The following HPSE2 variants were observed in gnomAD, a reference collection of about 807,000 sequenced individuals.
HPSE2 encodes heparanase 2 (inactive).
Under a neutral mutation model 60.5 loss-of-function variants are expected in HPSE2, and 38 were observed. The ratio of observed to expected loss-of-function variants is 0.63; its 90% CI spans 0.48 to 0.82. The LOEUF (loss-of-function observed/expected upper bound fraction) is 0.82. Ranked by LOEUF, HPSE2 falls within the 40% of genes least tolerant of loss-of-function variation. The pLI is 0.00. For synonymous variants in HPSE2, 295 were observed against 293.2 expected (o/e 1.01, Z -0.06); for missense variants, 713 against 740.4 (o/e 0.96, Z 0.43).
intron 11 of HPSE2, among the ~76,000 whole-genome samples, chr10:98,465,196 CT>C (rs1373055737): frequency 6.6e-6 from 1 of 152,200 alleles, no homozygotes; most frequent in Non-Finnish European, 1.5e-5. Context: ...CATTGAACAG[CT>C]TGTAAGCTTG....
chr10:98,753,399 A>G (rs1031756794), intron 3 of HPSE2, among the ~76,000 whole-genome samples: 1 of 152,192 alleles, frequency 6.6e-6, no homozygotes, highest in East Asian at 1.9e-4. Context: ...ACTCCTAGGT[A>G]TATATCCAGA....
At chr10:98,979,940 A>C (rs1400498797) in intron 3 of HPSE2, among the ~76,000 whole-genome samples, 4 of 152,220 alleles carry the variant, frequency 2.6e-5, no homozygotes, top group African/African-American at 9.6e-5. Context: ...GGAACTCACA[A>C]GCAGCTAGAG....
chr10:98,782,683 T>C (rs1950499998), intron 3 of HPSE2, among the ~76,000 whole-genome samples: 1 of 93,314 alleles, frequency 1.1e-5, no homozygotes, highest in Admixed American at 1.0e-4. Flanking sequence ...GAGAGACATA[T>C]TGGCCAGTGG....
chr10:98,700,074 A>C (rs1446450789), intron 5 of HPSE2, among the ~76,000 whole-genome samples: 2 of 151,392 alleles, frequency 1.3e-5, no homozygotes, highest in Non-Finnish European at 3.0e-5. Context: ...TGCCCAAGGT[A>C]ATTTATAGAT....
chr10:98,723,836 C>A (rs1948993656), intron 4 of HPSE2, among the ~76,000 whole-genome samples: 1 of 152,012 alleles, frequency 6.6e-6, no homozygotes, highest in East Asian at 1.9e-4. Context: ...TTTATTGCGT[C>A]TATTTGATTC....
chr10:99,004,681 A>G (rs1327259342), intron 3 of HPSE2, among the ~76,000 whole-genome samples: 1 of 152,190 alleles, frequency 6.6e-6, no homozygotes, highest in African/African-American at 2.4e-5. Flanking sequence ...TTTACATATT[A>G]CCTTTATAGT....
the HPSE2 span, among the ~76,000 whole-genome samples, chr10:99,240,888 A>T: frequency 6.6e-6 from 1 of 152,126 alleles, no homozygotes; most frequent in African/African-American, 2.4e-5. Flanking sequence ...TAGAAATTTT[A>T]AAAAATGCTT....
intron 4 of HPSE2, among the ~76,000 whole-genome samples, chr10:98,733,013 C>A (rs1188947712): frequency 1.3e-5 from 2 of 152,028 alleles, no homozygotes; most frequent in Non-Finnish European, 2.9e-5. Flanking sequence ...TGAAAAGGTG[C>A]CCAACAACAT....
the HPSE2 span, among the ~76,000 whole-genome samples, chr10:99,279,165 G>A: frequency 6.6e-6 from 1 of 152,224 alleles, no homozygotes; most frequent in African/African-American, 2.4e-5. Flanking sequence ...CTTTTTGATA[G>A]AAGACAGAAC....
intron 3 of HPSE2, among the ~76,000 whole-genome samples, chr10:99,050,679 ATT>A (rs778815249): frequency 1.3e-5 from 2 of 152,188 alleles, no homozygotes; most frequent in African/African-American, 2.4e-5. Flanking sequence ...AAAATTAGCC[ATT>A]TAAAAGAAGG....
intron 9 of HPSE2, among the ~76,000 whole-genome samples, chr10:98,520,178 G>T (rs1374656942): frequency 6.6e-6 from 1 of 152,198 alleles, no homozygotes; most frequent in Non-Finnish European, 1.5e-5. Flanking sequence ...ACCCTCTGCA[G>T]GGCAGCTATA....
At chr10:98,975,847 G>C (rs896542548) in intron 3 of HPSE2, among the ~76,000 whole-genome samples, 3 of 152,096 alleles carry the variant, frequency 2.0e-5, no homozygotes, top group Admixed American at 6.6e-5. Flanking sequence ...GAAATCAAAA[G>C]AGTTCAGATT....
chr10:99,029,686 G>C (rs531406126), intron 3 of HPSE2, among the ~76,000 whole-genome samples: 2 of 152,328 alleles, frequency 1.3e-5, no homozygotes, highest in Admixed American at 6.5e-5. Flanking sequence ...ATTTTCTGCT[G>C]CTATCTAGAA....
chr10:99,024,320 T>C (rs1957329762), intron 3 of HPSE2, among the ~76,000 whole-genome samples: 2 of 151,944 alleles, frequency 1.3e-5, no homozygotes, highest in African/African-American at 4.8e-5. Flanking sequence ...TAAAAAACAA[T>C]GAAGCACACC....
chr10:98,945,141 C>A (rs1446304513), intron 3 of HPSE2, among the ~76,000 whole-genome samples: 1 of 152,020 alleles, frequency 6.6e-6, no homozygotes, highest in African/African-American at 2.4e-5. Context: ...TGGAATTCCC[C>A]AATACATCAA....
chr10:98,690,111 C>A (rs926753218), intron 6 of HPSE2, among the ~76,000 whole-genome samples: 4 of 152,174 alleles, frequency 2.6e-5, no homozygotes, highest in African/African-American at 9.6e-5. Flanking sequence ...TGTATTTTTA[C>A]CTTGGAGTTC....
chr10:98,543,655 C>CA (rs1005312489), intron 9 of HPSE2, among the ~76,000 whole-genome samples: 2 of 151,188 alleles, frequency 1.3e-5, no homozygotes, highest in Admixed American at 6.6e-5. Flanking sequence ...AAATGGAAAA[C>CA]AAAAAAAGGC....
intron 3 of HPSE2, among the ~76,000 whole-genome samples, chr10:98,749,438 TATATATACATATATGCATGCATATATAC>T (rs1949702846): frequency 2.0e-5 from 3 of 151,668 alleles, no homozygotes; most frequent in South Asian, 4.2e-4. Context: ...ATCTGTTCTG[TATATATACATATATGCATGCATATATAC>T]ATATATACAT....
At chr10:99,302,827 C>T in the HPSE2 span, among the ~76,000 whole-genome samples, 1 of 151,516 alleles carries the variant, frequency 6.6e-6, no homozygotes, top group South Asian at 2.1e-4. Context: ...CACCCCATAG[C>T]CCCACCTCTA....
Sources: allele counts gnomAD v4.1 joint callset (sites outside exome capture counted in the v4.1 genomes callset), GRCh38; gene constraint gnomAD v4.1.1; transcripts MANE v1.5; gene names NCBI Gene and HGNC (gene_info 2026-07-23, HGNC 2026-07-21).